The following INSIG2 variants were observed in gnomAD, a reference collection of about 807,000 sequenced individuals.
INSIG2 encodes the protein insulin-induced gene 2 protein.
INSIG2 carries 10 observed loss-of-function variants against 27.2 expected under a neutral mutation model. That is an observed-to-expected ratio of 0.37 (90% confidence interval 0.23 to 0.62). The LOEUF is 0.62. Among genes scored for constraint, INSIG2 ranks in the 20% least tolerant of loss-of-function variants. INSIG2 has a pLI of 0.65. For missense variants in INSIG2, 178 were observed against 270.2 expected, an observed-to-expected ratio of 0.66 and a Z score of 2.39; for synonymous variants, 97 against 95.8, an observed-to-expected ratio of 1.01 and a Z score of -0.07.
At chr2:118,100,092 G>A (rs1678503705) in intron 2 of INSIG2, among the ~76,000 whole-genome samples, 1 of 152,076 alleles carries the variant, frequency 6.6e-6, no homozygotes, top group Non-Finnish European at 1.5e-5. Flanking sequence ...GAAGCTTACA[G>A]CTTCCTCTTA....
intron 5 of INSIG2, among the ~76,000 whole-genome samples, chr2:118,107,778 G>T (rs927951947): frequency 1.3e-5 from 2 of 152,138 alleles, no homozygotes; most frequent in African/African-American, 4.8e-5. Flanking sequence ...AATTGTGGGT[G>T]TACATTTTTA....
At chr2:118,093,015 TGAGGAGGAGGAG>T (rs779340110) in intron 1 of INSIG2, among the ~76,000 whole-genome samples, 20 of 91,990 alleles carry the variant, frequency 2.2e-4, no homozygotes, top group Non-Finnish European at 9.4e-5. Flanking sequence ...ATGATGATGA[TGAGGAGGAGGAG>T]GAGGAGGAGG....
intron 2 of INSIG2, among the ~76,000 whole-genome samples, chr2:118,098,275 C>T (rs1228615715): frequency 2.6e-5 from 4 of 152,098 alleles, no homozygotes; most frequent in African/African-American, 9.7e-5. Context: ...CAGGATAGAA[C>T]AGAGGGAAGG....
intron 3 of INSIG2, 101 bp from the exon 4 acceptor site, chr2:118,106,636 A>G (rs910908095): frequency 1.3e-5 from 12 of 890,720 alleles, no homozygotes; most frequent in African/African-American, 3.4e-5. Context: ...AGTAGAAGCA[A>G]TTAATTCCCT....
At chr2:118,107,997 A>T (rs973415441) in intron 5 of INSIG2, among the ~76,000 whole-genome samples, 1 of 152,152 alleles carries the variant, frequency 6.6e-6, no homozygotes, top group Non-Finnish European at 1.5e-5. Flanking sequence ...TAAAAGATTG[A>T]TCTAAATTCT....
At chr2:118,094,543 A>G (rs1441268062) in intron 1 of INSIG2, among the ~76,000 whole-genome samples, 1 of 152,192 alleles carries the variant, frequency 6.6e-6, no homozygotes, top group Non-Finnish European at 1.5e-5. Flanking sequence ...ATGTTTTCCC[A>G]TGAATTAGCT....
rs374543335 is a variant in INSIG2, at chr2:118,089,804, A to G, written c.-139+1263A>G. On this transcript the variant is annotated intron_variant, in intron 1 of 5. Coordinates refer to ENST00000245787, the MANE Select transcript of INSIG2 (RefSeq NM_016133.4). ...GTCACACGGAAAAGGAAAGAATAAA[A>G]TGCAGTTCAGTAGTTTAAAGAGTTT... Among the ~76,000 whole-genome samples, 406 of 152,358 alleles carry G rather than the reference A, an allele frequency of 2.7e-3. 17 individuals are homozygous for G. In the South Asian group the frequency reaches 0.071, roughly 27 times the overall value.
In INSIG2 at chr2:118,096,548, T is replaced by G. The variant is rs771262364; in HGVS notation, c.-9T>G. 5.0e-6 allele frequency: 8 copies of G among 1,609,706 alleles called. No individual in the cohort carries two copies. Among genetic ancestry groups the G allele is most frequent in the Non-Finnish European group, 6.8e-6 (8 of 1,177,734 alleles). On this transcript the variant is annotated 5_prime_UTR_variant, in exon 2 of 6. Coordinates refer to ENST00000245787, the MANE Select transcript of INSIG2 (RefSeq NM_016133.4). ...TTTTTTTTTAACGGCTTTCTGAACCTATGAAACCATGGCAGAAGGAGAGAC... is the reference window on the plus strand; with the variant it reads ...TTTTTTTTTAACGGCTTTCTGAACCGATGAAACCATGGCAGAAGGAGAGAC...
At chr2:118,091,437 G>A (rs13393332) in intron 1 of INSIG2, among the ~76,000 whole-genome samples, 2 of 152,064 alleles carry the variant, frequency 1.3e-5, no homozygotes, top group Non-Finnish European at 2.9e-5. Context: ...TGCTAATAGA[G>A]TGAGAGAATT....
chr2:118,094,725 C>T (rs1051005843), intron 1 of INSIG2, among the ~76,000 whole-genome samples: 1 of 152,154 alleles, frequency 6.6e-6, no homozygotes, highest in Non-Finnish European at 1.5e-5. Context: ...GTGTTTATCA[C>T]ATGGAACTGA....
chr2:118,100,725 A>G (rs1678524748), intron 2 of INSIG2, among the ~76,000 whole-genome samples: 1 of 152,130 alleles, frequency 6.6e-6, no homozygotes. Context: ...ACATATTGTC[A>G]GGGCTTAAGT....
In INSIG2 at chr2:118,100,673, T is replaced by C. The variant is rs1373457564; in HGVS notation, c.245-2524T>C. 4.1e-4 allele frequency among the ~76,000 whole-genome samples: 63 copies of C among 152,142 alleles called. 1 individual carries two copies. Among genetic ancestry groups the C allele is most frequent in the Admixed American group, 4.1e-3 (63 of 15,270 alleles). ...GATTACAGGTGTGAGCCACCACGCC[T>C]GGCCTTACCTTTTTAAATCTCCAGC... is the stretch of plus-strand genomic sequence containing the variant. On this transcript the variant is annotated intron_variant, in intron 2 of 5. Transcript: ENST00000245787.
Position 118,107,116 on chromosome 2 carries a change from T to C in INSIG2, c.563T>C (p.Val188Ala). 6.2e-7 allele frequency: 1 copy of C among 1,613,052 alleles called. No homozygotes were observed. ...YQYTSPDFLY[V>A]RSWLPCIFFA... is the part of the protein sequence containing the mutation. ...TATACATCTCCAGATTTCCTCTATG[T>C]TCGTTCTTGGTTACCATGTATATTT... Residue 188 changes from valine (V) to alanine (A), a missense_variant, in exon 5 of 6, where the codon GTT becomes GCT. Coordinates refer to ENST00000245787, the MANE Select transcript of INSIG2 (RefSeq NM_016133.4).
intron 2 of INSIG2, among the ~76,000 whole-genome samples, chr2:118,099,391 G>A (rs547002142): frequency 6.6e-6 from 1 of 152,310 alleles, no homozygotes; most frequent in East Asian, 1.9e-4. Flanking sequence ...TGGAAAATTT[G>A]CTAGTGGTGG....
intron 1 of INSIG2, among the ~76,000 whole-genome samples, chr2:118,094,154 A>G (rs111622570): frequency 8.1e-6 from 1 of 122,770 alleles, no homozygotes; most frequent in African/African-American, 3.2e-5. Context: ...GAACCTTGCT[A>G]AAAGCAACCA....
chr2:118,106,249 T>G (rs1678669371), intron 3 of INSIG2, among the ~76,000 whole-genome samples: 1 of 152,240 alleles, frequency 6.6e-6, no homozygotes, highest in African/African-American at 2.4e-5. Flanking sequence ...AGAGAGAATG[T>G]GGTACCCTGT....
intron 1 of INSIG2, among the ~76,000 whole-genome samples, chr2:118,093,848 A>AGAT (rs78784343): frequency 0.045 from 3,019 of 67,232 alleles, 609 homozygotes; most frequent in Admixed American, 0.062. Flanking sequence ...GAAAGCAACC[A>AGAT]GATGATGATG....
At chr2:118,102,073 C>T (rs755040046) in intron 2 of INSIG2, among the ~76,000 whole-genome samples, 1 of 152,142 alleles carries the variant, frequency 6.6e-6, no homozygotes, top group African/African-American at 2.4e-5. Context: ...AGGGGGAGGG[C>T]CTCTTGTCCC....
chr2:118,096,422 T>C lies in INSIG2; in HGVS notation c.-135T>C, dbSNP rs1377711558. The C allele has an allele frequency of 1.3e-6, 1 of 778,234 alleles. No individual in the cohort carries two copies. The highest frequency in any genetic ancestry group is 2.0e-6 in the Non-Finnish European group (1 of 502,350). 48.2% of individuals were successfully genotyped at this position (778,234 alleles called of 1,614,324 possible). ...TCTTTTTTCTTATCTCTTGCAGGAT[T>C]TCTGGTAGGTCCTACTTTAGGACAA... On this transcript the variant is annotated 5_prime_UTR_variant, in exon 2 of 6. Coordinates refer to ENST00000245787, the MANE Select transcript of INSIG2 (RefSeq NM_016133.4).
Sources: allele counts gnomAD v4.1 joint callset (sites outside exome capture counted in the v4.1 genomes callset), GRCh38; gene constraint gnomAD v4.1.1; transcripts MANE v1.5; gene names NCBI Gene and HGNC (gene_info 2026-07-23, HGNC 2026-07-21).